Variants in ADGRE1 observed in about 807,000 individuals in gnomAD.
The protein encoded by ADGRE1 is EGF-like module receptor 1.
ADGRE1 carries 82 observed loss-of-function variants against 102.7 expected under a neutral mutation model. The observed-to-expected ratio is 0.80, with a 90% CI of 0.67 to 0.96. The LOEUF (loss-of-function observed/expected upper bound fraction) is 0.96, where lower values mean the gene tolerates loss of function less well. ADGRE1 is among the 40% of genes least tolerant of loss of function. The probability of loss-of-function intolerance (pLI) is 0.00; values close to 1 mark genes in which losing one functional copy is unlikely to be tolerated. For missense variants in ADGRE1, 1,032 were observed against 1,085.3 expected (o/e 0.95, Z 0.69); for synonymous variants, 398 against 399.6 (o/e 1.00, Z 0.05).
At chr19:6,906,724 A>G (rs753548820) in intron 9 of ADGRE1, among the ~76,000 whole-genome samples, 5 of 152,224 alleles carry the variant, frequency 3.3e-5, no homozygotes, top group Admixed American at 6.5e-5. Context: ...GCATCAACAC[A>G]AGACTCCCAC....
chr19:6,911,793 AACAT>A (rs1323163795), intron 10 of ADGRE1, among the ~76,000 whole-genome samples: 1 of 151,268 alleles, frequency 6.6e-6, no homozygotes, highest in Non-Finnish European at 1.5e-5. Flanking sequence ...ATACACATAT[AACAT>A]ACATACACAT....
At chr19:6,907,721 C>G (rs751522671) in intron 9 of ADGRE1, among the ~76,000 whole-genome samples, 4 of 152,214 alleles carry the variant, frequency 2.6e-5, no homozygotes, top group African/African-American at 7.2e-5. Context: ...AATCAGCTTT[C>G]TGTCTCTGTG....
At chr19:6,895,385 T>C (rs574061609) in intron 2 of ADGRE1, 1 of 152,308 alleles carries the variant, frequency 6.6e-6, no homozygotes, top group East Asian at 1.9e-4. Context: ...GAGGGTGGAA[T>C]GGATTTGGGG....
At position 6,913,945 on chromosome 19, in the gene ADGRE1, CTT is replaced by C. The variant is rs1325921630; in HGVS notation, c.1300+117_1300+118del. 12 of 1,204,694 alleles carry C rather than the reference CTT, an allele frequency of 1.0e-5. No individual in the cohort carries two copies. In the East Asian group the frequency reaches 1.7e-4, roughly 17 times the overall value. The allele number at this position is 1,204,694 out of a possible 1,614,324, so 74.6% of individuals were successfully genotyped here. A position where few individuals can be genotyped will look rare whatever the true frequency, so the allele number is the denominator to read the frequency against. On this transcript the variant is annotated intron_variant, in intron 11 of 20. Transcript: ENST00000312053. ...CATTCTTTCCCCAACTGTTTAAAAACTTTGAATTCACAGCAAAGCAAGTCTAA... is the reference window on the plus strand; with the variant it reads ...CATTCTTTCCCCAACTGTTTAAAAACTGAATTCACAGCAAAGCAAGTCTAA...
At chr19:6,900,550 T>C (rs910811456) in intron 5 of ADGRE1, among the ~76,000 whole-genome samples, 1 of 152,172 alleles carries the variant, frequency 6.6e-6, no homozygotes, top group Non-Finnish European at 1.5e-5. Context: ...GGTTCAGGCT[T>C]GATCATCACT....
At chr19:6,919,507 C>G in intron 12 of ADGRE1, 41 bp from the exon 13 acceptor site, 1 of 1,551,594 alleles carries the variant, frequency 6.4e-7, no homozygotes, top group Non-Finnish European at 8.8e-7. Context: ...AACAATTGAG[C>G]AAACGATTCC....
At position 6,921,761 on chromosome 19, in the gene ADGRE1, G is replaced by A. The variant is rs2144982806; in HGVS notation, c.1669G>A (p.Val557Met). Residue 557 changes from valine (V) to methionine (M), a missense_variant, in exon 14 of 21, where the codon GTG becomes ATG. Transcript: ENST00000312053. Reference sequence around the variant, plus strand: ...CATCTGTGTTTCCTGGAGCACTGATGTGAAGGGTGGAAGATGGACATCCTT... The same window carrying A: ...CATCTGTGTTTCCTGGAGCACTGATATGAAGGGTGGAAGATGGACATCCTT... ...RPICVSWSTDVKGGRWTSFGC... is the reference protein window; with the variant it reads ...RPICVSWSTDMKGGRWTSFGC... The A allele has an allele frequency of 2.5e-6, 4 of 1,614,036 alleles. No homozygotes were observed. Among genetic ancestry groups the A allele is most frequent in the South Asian group, 2.2e-5 (2 of 91,076 alleles).
At chr19:6,925,543 C>T (rs1371464570) in intron 15 of ADGRE1, among the ~76,000 whole-genome samples, 1 of 152,164 alleles carries the variant, frequency 6.6e-6, no homozygotes, top group African/African-American at 2.4e-5. Context: ...CTACTGCTCT[C>T]TGGTGGGTAA....
chr19:6,898,523 C>T, intron 5 of ADGRE1: 1 of 1,551,524 alleles, frequency 6.4e-7, no homozygotes, highest in Non-Finnish European at 8.9e-7. Flanking sequence ...GGGGTGAGTT[C>T]ATGTATTTCT....
At chr19:6,918,105 A>G (rs1334370650) in intron 12 of ADGRE1, among the ~76,000 whole-genome samples, 4 of 152,144 alleles carry the variant, frequency 2.6e-5, no homozygotes, top group Non-Finnish European at 5.9e-5. Context: ...CAGGTTCCAG[A>G]TCAGGTAATA....
rs34695990 is a variant in ADGRE1 at position 6,897,208 on chromosome 19, C to A, written c.298C>A (p.Leu100Met). 2.2e-5 allele frequency: 35 copies of A among 1,613,006 alleles called. No homozygotes were observed. The highest frequency in any genetic ancestry group is 1.2e-4 in the South Asian group (11 of 91,028). Reference protein sequence around the residue: ...PCGPNSSCKNLSGRYKCSCLD... With the variant: ...PCGPNSSCKNMSGRYKCSCLD... ...TGGTCCTAACTCATCCTGCAAAAACCTGTCAGGGAGGTACAAGTGCAGCTG... is the reference window on the plus strand; with the variant it reads ...TGGTCCTAACTCATCCTGCAAAAACATGTCAGGGAGGTACAAGTGCAGCTG... The change falls in exon 4 of 21, where the codon CTG becomes ATG. Residue 100 changes from leucine to methionine, a missense_variant. Leu to Met is a conservative substitution (Grantham distance 15). Coordinates refer to ENST00000312053, the MANE Select transcript of ADGRE1 (RefSeq NM_001974.5).
intron 17 of ADGRE1, among the ~76,000 whole-genome samples, chr19:6,929,870 C>T (rs1299493280): frequency 6.6e-6 from 1 of 152,102 alleles, no homozygotes; most frequent in African/African-American, 2.4e-5. Flanking sequence ...TGACCAGGCT[C>T]CTAACCTCAG....
rs143591466 is a variant in ADGRE1, at chr19:6,908,847, T to C, written c.1122+75T>C. 153 of 1,417,924 alleles carry C rather than the reference T, an allele frequency of 1.1e-4. No individual in the cohort carries two copies. In the African/African-American group the frequency reaches 1.4e-3, roughly 13 times the overall value. The allele number at this position is 1,417,924 out of a possible 1,614,324, so 87.8% of individuals were successfully genotyped here. On this transcript the variant is annotated intron_variant, in intron 10 of 20. Coordinates refer to ENST00000312053, the MANE Select transcript of ADGRE1 (RefSeq NM_001974.5). Reference sequence around the variant, plus strand: ...CACACTTTGGGTGCAGAAAGATGTCTTTATGGCTGGGCGTGGTGGCTCACA... The same window carrying C: ...CACACTTTGGGTGCAGAAAGATGTCCTTATGGCTGGGCGTGGTGGCTCACA...
At position 6,919,731 on chromosome 19, in the gene ADGRE1, C is replaced by G; in HGVS notation, c.1604C>G (p.Thr535Ser). Residue 535 changes from threonine (T) to serine (S), a missense_variant, in exon 13 of 21, where the codon ACT (threonine) becomes AGT (serine). Physicochemically the swap from Thr to Ser is moderately conservative, Grantham distance 58 (BLOSUM62 1). Coordinates refer to ENST00000312053, the MANE Select transcript of ADGRE1 (RefSeq NM_001974.5). ...GGCTTCTCAGATCCAATCATCTACA[C>G]TCTGGAGAACATTCAGGTTTGTGAA... ...KDGFSDPIIY[T>S]LENIQPKQKF... The G allele has an allele frequency of 6.2e-7, 1 of 1,613,518 alleles. No homozygotes were observed. Among genetic ancestry groups the G allele is most frequent in the Non-Finnish European group, 8.5e-7 (1 of 1,179,718 alleles).
chr19:6,919,690 T>C lies in ADGRE1; in HGVS notation c.1563T>C (p.Thr521=), dbSNP rs929667599. The C allele has an allele frequency of 6.2e-7, 1 of 1,613,388 alleles. No homozygotes were observed. The highest frequency in any genetic ancestry group is 8.5e-7 in the Non-Finnish European group (1 of 1,179,826). The change falls in exon 13 of 21, where the codon ACT becomes ACC. Residue 521 remains threonine (T), a synonymous_variant. Transcript: ENST00000312053. Reference sequence around the variant, plus strand: ...CTCGAGTCGTTGGGGGCATAATGACTGGAGAGAAGAAAGACGGCTTCTCAG... The same window carrying C: ...CTCGAGTCGTTGGGGGCATAATGACCGGAGAGAAGAAAGACGGCTTCTCAG... ...MNSRVVGGIM[T]GEKKDGFSDP...
At chr19:6,928,948 A>G (rs1975032708) in intron 17 of ADGRE1, among the ~76,000 whole-genome samples, 1 of 152,152 alleles carries the variant, frequency 6.6e-6, no homozygotes, top group Admixed American at 6.6e-5. Flanking sequence ...TCAAAAAAAA[A>G]AAAAAAAAGT....
At position 6,915,920 on chromosome 19, in the gene ADGRE1, C is replaced by CAAAA. The variant is rs67370670; in HGVS notation, c.1301-306_1301-303dup. Reference sequence around the variant, plus strand: ...TAAGTGACAGAGTGAGACTCCGTCTCAAAAAAAAAAAAAAAAAAAAAAAAA... The same window carrying CAAAA: ...TAAGTGACAGAGTGAGACTCCGTCTCAAAAAAAAAAAAAAAAAAAAAAAAAAAAA... On this transcript the variant is annotated intron_variant, in intron 11 of 20. Coordinates refer to ENST00000312053, the MANE Select transcript of ADGRE1 (RefSeq NM_001974.5). 2.4e-3 allele frequency among the ~76,000 whole-genome samples: 142 copies of CAAAA among 59,128 alleles called. 8 individuals are homozygous for CAAAA. The highest frequency in any genetic ancestry group is 0.011 in the African/African-American group (136 of 12,538). 38.8% of individuals were successfully genotyped at this position (59,128 alleles called of 152,430 possible). A position where few individuals can be genotyped will look rare whatever the true frequency, so the allele number is the denominator to read the frequency against.
intron 8 of ADGRE1, 142 bp downstream of exon 8, chr19:6,904,324 A>G (rs1005934717): frequency 4.4e-5 from 49 of 1,123,662 alleles, no homozygotes; most frequent in Non-Finnish European, 5.8e-5. Flanking sequence ...TCATCCATTT[A>G]CTCTTTCAAC....
At chr19:6,922,436 A>G (rs1974708223) in intron 14 of ADGRE1, among the ~76,000 whole-genome samples, 1 of 151,792 alleles carries the variant, frequency 6.6e-6, no homozygotes. Context: ...CAACATGGTG[A>G]AACCCCCGTC....
Sources: gnomAD v4.1 joint callset for allele counts (sites outside exome capture counted in the v4.1 genomes callset) on GRCh38, gnomAD v4.1.1 for gene constraint, MANE v1.5 for transcripts, NCBI Gene and HGNC (gene_info 2026-07-23, HGNC 2026-07-21) for gene names.